The following BANP variants were observed in gnomAD, a reference collection of about 807,000 sequenced individuals.
BANP encodes BTG3 associated nuclear protein, also known as protein BANP.
A neutral mutation model predicts 68.1 loss-of-function variants in BANP; 11 were observed. The observed-to-expected ratio is 0.16, with a 90% confidence interval of 0.10 to 0.27. The LOEUF (loss-of-function observed/expected upper bound fraction) is 0.27, where lower values mean the gene tolerates loss of function less well. BANP is among the 10% of genes least tolerant of loss of function. The pLI is 1.00. For synonymous variants in BANP, 329 were observed against 303.2 expected, an observed-to-expected ratio of 1.09 and a Z score of -0.88; for missense variants, 504 against 722.7, an observed-to-expected ratio of 0.70 and a Z score of 3.47.
intron 11 of BANP, among the ~76,000 whole-genome samples, chr16:88,060,445 G>A (rs1433559769): frequency 6.6e-6 from 1 of 152,256 alleles, no homozygotes; most frequent in Non-Finnish European, 1.5e-5. Context: ...GAGTGATCCT[G>A]TGTGGAGGCT....
chr16:88,033,154 C>T lies in BANP; in HGVS notation c.1109C>T (p.Pro370Leu), dbSNP rs990494829. Residue 370 changes from proline (P) to leucine (L), a missense_variant, in exon 9 of 14, where the codon CCA becomes CTA. By Grantham distance (98) the Pro-to-Leu change is moderately conservative. Coordinates refer to ENST00000682872, the MANE Select transcript of BANP (RefSeq NM_001386991.1). ...CCTCCTGCCAGCGAGCTCCCGCAGC[C>T]ACAGCCGCAGCCGCAGGCCCTGCAC... The part of the protein sequence containing the change: ...TPPPASELPQ[P>L]QPQPQALHYA... 6.2e-7 allele frequency: 1 copy of T among 1,610,124 alleles called. No homozygotes were observed. The highest frequency in any genetic ancestry group is 8.5e-7 in the Non-Finnish European group (1 of 1,177,162).
At chr16:87,977,394 G>C (rs1176337016) in intron 2 of BANP, among the ~76,000 whole-genome samples, 3 of 149,546 alleles carry the variant, frequency 2.0e-5, no homozygotes, top group Non-Finnish European at 3.0e-5. Context: ...ACTCCAGGCT[G>C]GGCGACAGAG....
At chr16:88,044,882 T>A (rs1457683801) in intron 11 of BANP, among the ~76,000 whole-genome samples, 3 of 151,998 alleles carry the variant, frequency 2.0e-5, no homozygotes, top group African/African-American at 7.3e-5. Context: ...CTCGGGAGGC[T>A]GAGGCAGGAG....
At chr16:88,022,391 C>G (rs1440775079) in intron 7 of BANP, among the ~76,000 whole-genome samples, 2 of 152,204 alleles carry the variant, frequency 1.3e-5, no homozygotes, top group Admixed American at 1.3e-4. Context: ...CCCATGAGAC[C>G]TCCTAGCAGT....
intron 11 of BANP, among the ~76,000 whole-genome samples, chr16:88,059,111 AGGTCCGTGCTCCTG>A (rs2085970703): frequency 2.8e-5 from 4 of 143,790 alleles, no homozygotes; most frequent in African/African-American, 1.0e-4. Context: ...TGGTGTGCTG[AGGTCCGTGCTCCTG>A]CTGGTGTGCT....
chr16:87,984,272 C>G lies in BANP; in HGVS notation c.362+13C>G, dbSNP rs2063841694. Reference sequence around the variant, plus strand: ...ACAAAGTGCGATGGTAAGAACAGACCAGGGTGCCGGGGCCTTCAGGTCACT... The same window carrying G: ...ACAAAGTGCGATGGTAAGAACAGACGAGGGTGCCGGGGCCTTCAGGTCACT... On this transcript the variant is annotated intron_variant, in intron 4 of 13. Coordinates refer to ENST00000682872, the MANE Select transcript of BANP (RefSeq NM_001386991.1). 2 of 1,561,846 alleles carry G rather than the reference C, an allele frequency of 1.3e-6. No homozygotes were observed. The highest frequency in any genetic ancestry group is 1.4e-5 in the African/African-American group (1 of 73,428).
chr16:88,030,056 TG>T (rs1203537066), intron 8 of BANP, among the ~76,000 whole-genome samples: 1 of 152,268 alleles, frequency 6.6e-6, no homozygotes, highest in African/African-American at 2.4e-5. Flanking sequence ...CCATGCCTAC[TG>T]GCAGGCTAAA....
intron 7 of BANP, among the ~76,000 whole-genome samples, chr16:88,019,708 G>A (rs2075582756): frequency 6.7e-6 from 1 of 148,700 alleles, no homozygotes; most frequent in Non-Finnish European, 1.5e-5. Flanking sequence ...TCAGCGTGCG[G>A]GGGGCGGGGC....
intron 4 of BANP, among the ~76,000 whole-genome samples, chr16:87,995,864 C>T (rs575801144): frequency 4.6e-5 from 7 of 152,350 alleles, no homozygotes; most frequent in Admixed American, 1.3e-4. Flanking sequence ...TTGTTCATGC[C>T]GTGAGCTGGA....
chr16:87,973,279 A>G (rs1434966169), intron 1 of BANP, among the ~76,000 whole-genome samples: 2 of 151,540 alleles, frequency 1.3e-5, no homozygotes, highest in African/African-American at 4.9e-5. Context: ...TGTTAGGGAC[A>G]GTTGATTGAT....
chr16:88,069,734 G>A (rs764408769), intron 12 of BANP, among the ~76,000 whole-genome samples: 10 of 152,156 alleles, frequency 6.6e-5, no homozygotes, highest in South Asian at 4.1e-4. Context: ...ACTTCACAAC[G>A]CTCTGCTCCT....
intron 8 of BANP, among the ~76,000 whole-genome samples, chr16:88,029,756 G>C (rs1405795770): frequency 6.6e-6 from 1 of 152,218 alleles, no homozygotes; most frequent in African/African-American, 2.4e-5. Flanking sequence ...CAACAGCACA[G>C]GACCGTGATC....
At chr16:87,951,325 GC>G (rs2056796879), upstream of BANP, 1 of 152,000 alleles carries the variant, frequency 6.6e-6, no homozygotes, top group Non-Finnish European at 1.5e-5. Context: ...AGCGCGCGCA[GC>G]TGGCCTCACT....
At chr16:87,970,842 A>AC (rs1251000439) in intron 1 of BANP, among the ~76,000 whole-genome samples, 1 of 151,860 alleles carries the variant, frequency 6.6e-6, no homozygotes, top group Non-Finnish European at 1.5e-5. Context: ...ACAGAGGGAA[A>AC]CCCCGTCTCT....
chr16:88,006,063 G>T, intron 5 of BANP, 27 bp from the exon 6 acceptor site: 1 of 1,613,216 alleles, frequency 6.2e-7, no homozygotes, highest in African/African-American at 1.3e-5. Context: ...TACCACATCG[G>T]GCTGGTGTGT....
At chr16:87,981,248 T>C in intron 3 of BANP, 121 bp downstream of exon 3, 1 of 750,412 alleles carries the variant, frequency 1.3e-6, no homozygotes, top group Non-Finnish European at 2.3e-6. Flanking sequence ...AGGCCAGAGA[T>C]CCAAAATCAA....
intron 2 of BANP, chr16:87,978,418 G>A: frequency 2.9e-6 from 1 of 348,220 alleles, no homozygotes; most frequent in South Asian, 2.1e-5. Flanking sequence ...ATGAGTACGA[G>A]GGTCTCTCTC....
chr16:88,012,204 T>C (rs898455060), intron 6 of BANP, among the ~76,000 whole-genome samples: 1 of 152,260 alleles, frequency 6.6e-6, no homozygotes, highest in African/African-American at 2.4e-5. Context: ...GTGATGTGTG[T>C]AACGACACAG....
At position 88,077,285 on chromosome 16, in the gene BANP, A is replaced by G. The variant is rs1211281883; in HGVS notation, c.*624A>G. On this transcript the variant is annotated 3_prime_UTR_variant, in exon 14 of 14. Coordinates refer to ENST00000682872, the MANE Select transcript of BANP (RefSeq NM_001386991.1). ...ATGCTCTTAAACACTGTAATTATGC[A>G]TTTCTAATGAAATAAAATGTATTTA... 1 of 152,318 alleles carries G rather than the reference A, an allele frequency of 6.6e-6. No homozygotes were observed. The highest frequency in any genetic ancestry group is 6.5e-5 in the Admixed American group (1 of 15,292). 9.4% of individuals were successfully genotyped at this position (152,318 alleles called of 1,614,324 possible).
Sources: allele counts gnomAD v4.1 joint callset (sites outside exome capture counted in the v4.1 genomes callset), GRCh38; gene constraint gnomAD v4.1.1; transcripts MANE v1.5; gene names NCBI Gene and HGNC (gene_info 2026-07-23, HGNC 2026-07-21).